WIPF3: variants seen among roughly 807,000 people sequenced by gnomAD.
WIPF3 encodes WAS/WASL-interacting protein family member 3.
A neutral mutation model predicts 38.9 loss-of-function variants in WIPF3; 33 were observed. The observed-to-expected ratio is 0.85, with a 90% CI of 0.64 to 1.14. The LOEUF is 1.14. Ranked by LOEUF, WIPF3 falls within the 50% of genes most tolerant of loss-of-function variation. The pLI is 0.00. For synonymous variants in WIPF3, 324 were observed against 269.3 expected, an observed-to-expected ratio of 1.20 and a Z score of -1.99; for missense variants, 711 against 652.5, an observed-to-expected ratio of 1.09 and a Z score of -0.98.
chr7:29,812,305 T>G (rs1355903848), intron 1 of WIPF3, among the ~76,000 whole-genome samples: 1 of 152,194 alleles, frequency 6.6e-6, no homozygotes, highest in Non-Finnish European at 1.5e-5. Flanking sequence ...AAATCTGGCT[T>G]ACATGGATTT....
chr7:29,824,773 C>G (rs947649019), intron 1 of WIPF3, among the ~76,000 whole-genome samples: 4 of 152,106 alleles, frequency 2.6e-5, no homozygotes, highest in African/African-American at 9.7e-5. Context: ...GATGTGCCGG[C>G]TGCCTCAGGA....
chr7:29,905,820 C>T (rs1562791790), intron 8 of WIPF3: 1 of 152,142 alleles, frequency 6.6e-6, no homozygotes, highest in Non-Finnish European at 1.5e-5. Context: ...TTTTGTTCCT[C>T]CTGTCCTTGC....
chr7:29,875,702 A>G (rs1313891973), intron 2 of WIPF3, 128 bp from the exon 3 acceptor site: 1 of 1,271,680 alleles, frequency 7.9e-7, no homozygotes, highest in African/African-American at 1.5e-5. Context: ...CCCATAGGTA[A>G]TCTGAGATCA....
intron 5 of WIPF3, among the ~76,000 whole-genome samples, chr7:29,886,347 C>CTTTTTTTT (rs11337399): frequency 2.1e-5 from 1 of 46,558 alleles, no homozygotes; most frequent in African/African-American, 9.2e-5. Flanking sequence ...AAAGACAAAG[C>CTTTTTTTT]TTTTTTTTTT....
intron 2 of WIPF3, among the ~76,000 whole-genome samples, chr7:29,869,714 C>A (rs1489086098): frequency 6.6e-6 from 1 of 152,130 alleles, no homozygotes. Flanking sequence ...TTATATTTTT[C>A]TGATTATTCC....
chr7:29,905,559 C>T (rs887023882), intron 8 of WIPF3: 5 of 152,344 alleles, frequency 3.3e-5, no homozygotes, highest in African/African-American at 1.2e-4. Context: ...ACCCCCCACC[C>T]CATGGCAGGC....
rs972699775 is a variant in WIPF3 at position 29,832,973 on chromosome 7, G to A, written c.-57-1695G>A. Among the ~76,000 whole-genome samples the A allele has an allele frequency of 3.9e-5, 6 of 152,172 alleles. No individual in the cohort carries two copies. In the South Asian group the frequency reaches 6.2e-4, roughly 16 times the overall value. ...TGGCTCAACTAAATGTGGTGTATAC[G>A]TACAATGGAATAATTCAGAATGAAT... On this transcript the variant is annotated intron_variant, in intron 1 of 8. Transcript: ENST00000242140.
At chr7:29,880,383 T>G (rs549016400) in intron 4 of WIPF3, among the ~76,000 whole-genome samples, 1 of 152,226 alleles carries the variant, frequency 6.6e-6, no homozygotes, top group Non-Finnish European at 1.5e-5. Flanking sequence ...CTAGGATATT[T>G]TGAGATCCAA....
At chr7:29,847,861 G>T (rs1157829969) in intron 2 of WIPF3, among the ~76,000 whole-genome samples, 1 of 152,198 alleles carries the variant, frequency 6.6e-6, no homozygotes, top group Non-Finnish European at 1.5e-5. Context: ...TGGGGAAGAG[G>T]GGTTCTAGTT....
intron 2 of WIPF3, among the ~76,000 whole-genome samples, chr7:29,848,868 T>C (rs1442302340): frequency 1.3e-5 from 2 of 152,132 alleles, no homozygotes; most frequent in African/African-American, 4.8e-5. Flanking sequence ...GGAGGCTCAA[T>C]TGTACTACTC....
At chr7:29,848,523 T>C (rs1249750772) in intron 2 of WIPF3, among the ~76,000 whole-genome samples, 2 of 152,188 alleles carry the variant, frequency 1.3e-5, no homozygotes, top group African/African-American at 4.8e-5. Flanking sequence ...AGCTTTGGGA[T>C]GCTGAGATTC....
chr7:29,908,485 TA>T (rs1196495810), intron 8 of WIPF3, among the ~76,000 whole-genome samples: 1 of 152,160 alleles, frequency 6.6e-6, no homozygotes, highest in Non-Finnish European at 1.5e-5. Flanking sequence ...AAAAAAGCTG[TA>T]TATAACAGAC....
intron 2 of WIPF3, among the ~76,000 whole-genome samples, chr7:29,839,192 T>C (rs1029475733): frequency 1.3e-5 from 2 of 152,220 alleles, no homozygotes; most frequent in African/African-American, 4.8e-5. Context: ...TATCACTTTA[T>C]AGAAATACGT....
At chr7:29,826,008 A>G (rs1296955399) in intron 1 of WIPF3, among the ~76,000 whole-genome samples, 1 of 152,118 alleles carries the variant, frequency 6.6e-6, no homozygotes, top group Non-Finnish European at 1.5e-5. Flanking sequence ...TTCACTTTGT[A>G]TGTCATATTC....
chr7:29,887,135 A>G (rs1034770391), intron 5 of WIPF3, among the ~76,000 whole-genome samples: 1 of 152,184 alleles, frequency 6.6e-6, no homozygotes, highest in African/African-American at 2.4e-5. Context: ...CAGAGTAGTG[A>G]GCCCAAGGCC....
chr7:29,855,110 A>G (rs1189436780), intron 2 of WIPF3, among the ~76,000 whole-genome samples: 1 of 152,246 alleles, frequency 6.6e-6, no homozygotes, highest in South Asian at 2.1e-4. Flanking sequence ...CCCAGCTTCC[A>G]TCCTCTGAGA....
At position 29,834,824 on chromosome 7, in the gene WIPF3, T is replaced by C. The variant is rs1286547560; in HGVS notation, c.90+10T>C. On this transcript the variant is annotated intron_variant, in intron 2 of 8. Coordinates refer to ENST00000242140, the MANE Select transcript of WIPF3 (RefSeq NM_001080529.3). ...ACCATCAGCACCCCCGGTAAGACCT[T>C]TTTTTCTGATTGGTTTACTGTGGAG... The C allele has an allele frequency of 1.4e-6, 2 of 1,474,160 alleles. No homozygotes were observed. Among genetic ancestry groups the C allele is most frequent in the South Asian group, 2.4e-5 (2 of 82,838 alleles). 91.3% of individuals were successfully genotyped at this position (1,474,160 alleles called of 1,614,324 possible).
At chr7:29,808,018 C>A (rs965444145) in intron 1 of WIPF3, among the ~76,000 whole-genome samples, 1 of 152,064 alleles carries the variant, frequency 6.6e-6, no homozygotes, top group African/African-American at 2.4e-5. Flanking sequence ...TTGGGCCTTG[C>A]AAGGAGATAA....
At chr7:29,853,029 A>G (rs902042891) in intron 2 of WIPF3, among the ~76,000 whole-genome samples, 1 of 152,216 alleles carries the variant, frequency 6.6e-6, no homozygotes, top group African/African-American at 2.4e-5. Flanking sequence ...GTAGATTCTG[A>G]GACAAGGCTT....
Sources: allele counts gnomAD v4.1 joint callset (sites outside exome capture counted in the v4.1 genomes callset), GRCh38; gene constraint gnomAD v4.1.1; transcripts MANE v1.5; gene names NCBI Gene and HGNC (gene_info 2026-07-23, HGNC 2026-07-21).